TMSB15B: variants seen among roughly 807,000 people sequenced by gnomAD.
The protein encoded by TMSB15B is thymosin beta 15B.
chrX:103,939,222 T>C (rs1167270293), intron 1 of TMSB15B, among the ~76,000 whole-genome samples: 1 of 111,459 alleles, frequency 9.0e-6, no homozygotes, highest in African/African-American at 3.3e-5. Context: ...TTGGGGAAGT[T>C]CTCCTGGATA....
intron 1 of TMSB15B, chrX:103,929,011 A>G: frequency 1.7e-6 from 2 of 1,162,437 alleles, no homozygotes; most frequent in Admixed American, 4.8e-5. Context: ...AGAGCTGAAG[A>G]CTGACTAGCT....
intron 1 of TMSB15B, among the ~76,000 whole-genome samples, chrX:103,921,444 A>G (rs782507173): frequency 4.5e-5 from 5 of 112,287 alleles, no homozygotes; most frequent in South Asian, 7.5e-4. Flanking sequence ...GAATCACATA[A>G]GACCAAGAAT....
chrX:103,945,866 A>T (rs1556327260), intron 1 of TMSB15B, among the ~76,000 whole-genome samples: 3 of 112,049 alleles, frequency 2.7e-5, no homozygotes, highest in South Asian at 3.7e-4. Context: ...CCCATTCATG[A>T]TTTTCCCAAA....
intron 1 of TMSB15B, among the ~76,000 whole-genome samples, chrX:103,933,169 AT>A (rs1298885594): frequency 8.9e-6 from 1 of 111,932 alleles, no homozygotes; most frequent in African/African-American, 3.2e-5. Context: ...TATATATAAA[AT>A]AATGTTGCAT....
intron 1 of TMSB15B, among the ~76,000 whole-genome samples, chrX:103,923,665 A>G (rs2074960318): frequency 8.9e-6 from 1 of 111,933 alleles, no homozygotes; most frequent in Non-Finnish European, 1.9e-5. Flanking sequence ...CTTTTGGCTT[A>G]GGATTGTCTT....
At chrX:103,948,591 A>G (rs1206703720) in intron 1 of TMSB15B, among the ~76,000 whole-genome samples, 1 of 112,775 alleles carries the variant, frequency 8.9e-6, no homozygotes, top group Non-Finnish European at 1.9e-5. Context: ...AATATTATAC[A>G]TCATTTAAAT....
intron 1 of TMSB15B, chrX:103,929,114 C>T (rs782741311): frequency 3.1e-6 from 2 of 648,546 alleles, no homozygotes; most frequent in Non-Finnish European, 4.5e-6. Flanking sequence ...CCTAATACAG[C>T]CATCTTTTAG....
chrX:103,936,065 C>T (rs189985193), intron 1 of TMSB15B, among the ~76,000 whole-genome samples: 42 of 110,196 alleles, frequency 3.8e-4, no homozygotes, highest in Admixed American at 5.8e-4. Flanking sequence ...AGGCTGGTCT[C>T]GAACTCCCCA....
At chrX:103,929,623 G>A (rs1368821332) in intron 1 of TMSB15B, among the ~76,000 whole-genome samples, 2 of 111,876 alleles carry the variant, frequency 1.8e-5, no homozygotes, top group African/African-American at 6.5e-5. Context: ...TGGGGCTGGA[G>A]ATGGGAATGG....
intron 1 of TMSB15B, among the ~76,000 whole-genome samples, chrX:103,945,057 C>T (rs1458848420): frequency 2.7e-5 from 3 of 112,786 alleles, no homozygotes; most frequent in Middle Eastern, 4.2e-3. Context: ...GGATTACAGG[C>T]GTGAGCCACT....
chrX:103,927,363 A>G (rs782184345), intron 1 of TMSB15B, among the ~76,000 whole-genome samples: 1 of 112,533 alleles, frequency 8.9e-6, no homozygotes, highest in Admixed American at 9.4e-5. Flanking sequence ...CAAAATGTCA[A>G]TAGCACTGAA....
At chrX:103,945,167 A>C (rs782083150) in intron 1 of TMSB15B, among the ~76,000 whole-genome samples, 91 of 112,981 alleles carry the variant, frequency 8.1e-4, no homozygotes, top group Middle Eastern at 4.6e-3. Context: ...TTTATTTACA[A>C]TTGTATACCT....
chrX:103,921,718 T>G (rs1169219584), intron 1 of TMSB15B, among the ~76,000 whole-genome samples: 2 of 112,496 alleles, frequency 1.8e-5, no homozygotes, highest in Admixed American at 9.4e-5. Context: ...AGCTTTCAGC[T>G]GAAACAATAA....
chrX:103,926,792 G>A (rs1254243520), intron 1 of TMSB15B, among the ~76,000 whole-genome samples: 1 of 109,786 alleles, frequency 9.1e-6, no homozygotes, highest in Non-Finnish European at 1.9e-5. Context: ...GGGTTCGGTG[G>A]GAAACCTGTG....
At chrX:103,928,191 C>A in intron 1 of TMSB15B, 22 of 1,181,241 alleles carry the variant, frequency 1.9e-5, no homozygotes, top group Non-Finnish European at 2.5e-5. Context: ...CAGGCCTATG[C>A]CCTTGGGGCT....
chrX:103,922,477 AC>A (rs1308505906), intron 1 of TMSB15B, among the ~76,000 whole-genome samples: 4 of 107,560 alleles, frequency 3.7e-5, no homozygotes, highest in Admixed American at 1.0e-4. Flanking sequence ...TGTCCTTGCG[AC>A]AGTTTGCTCA....
At chrX:103,944,431 C>T (rs1182839606) in intron 1 of TMSB15B, among the ~76,000 whole-genome samples, 1 of 112,307 alleles carries the variant, frequency 8.9e-6, no homozygotes, top group Non-Finnish European at 1.9e-5. Context: ...ATTCTTTGTT[C>T]TTAGTCATTG....
intron 1 of TMSB15B, among the ~76,000 whole-genome samples, chrX:103,941,393 A>C (rs1195423102): frequency 1.8e-5 from 2 of 111,316 alleles, no homozygotes; most frequent in African/African-American, 6.5e-5. Context: ...CTGAATCATA[A>C]TGACAGTGCT....
intron 1 of TMSB15B, among the ~76,000 whole-genome samples, chrX:103,940,803 G>A (rs1440334144): frequency 9.0e-6 from 1 of 111,672 alleles, no homozygotes; most frequent in East Asian, 2.8e-4. Context: ...CCAAACAGCC[G>A]CCCAGATTTG....
Sources: gnomAD v4.1 joint callset for allele counts (sites outside exome capture counted in the v4.1 genomes callset) on GRCh38, gnomAD v4.1.1 for gene constraint, MANE v1.5 for transcripts, NCBI Gene and HGNC (gene_info 2026-07-23, HGNC 2026-07-21) for gene names.